Variants in SLC13A3 observed in about 807,000 individuals in gnomAD.
The protein encoded by SLC13A3 is Na(+)/dicarboxylate cotransporter 3.
A neutral mutation model predicts 59.0 loss-of-function variants in SLC13A3; 40 were observed. The observed-to-expected ratio is 0.68, with a 90% CI of 0.53 to 0.88. The LOEUF is 0.88. SLC13A3 is among the 40% of genes least tolerant of loss of function. The pLI is 0.00. For synonymous variants in SLC13A3, 317 were observed against 330.3 expected (o/e 0.96, Z 0.44); for missense variants, 699 against 783.2 (o/e 0.89, Z 1.28).
intron 1 of SLC13A3, among the ~76,000 whole-genome samples, chr20:46,642,338 T>C (rs142781718): frequency 2.4e-3 from 360 of 152,334 alleles, no homozygotes; most frequent in African/African-American, 6.0e-3. Flanking sequence ...ACTCACCAGC[T>C]GGGGACCTTG....
intron 8 of SLC13A3, chr20:46,584,071 T>A: frequency 1.0e-6 from 1 of 985,278 alleles, no homozygotes; most frequent in South Asian, 4.7e-5. Flanking sequence ...GATGGGCAGC[T>A]CACTGCATTG....
intron 8 of SLC13A3, among the ~76,000 whole-genome samples, chr20:46,586,807 C>T (rs1461875708): frequency 1.3e-5 from 2 of 152,132 alleles, no homozygotes; most frequent in African/African-American, 4.8e-5. Context: ...CAGGGGTCAG[C>T]AAATGTCTCC....
chr20:46,609,019 T>G (rs1057340165), intron 3 of SLC13A3: 8 of 1,550,686 alleles, frequency 5.2e-6, no homozygotes, highest in Non-Finnish European at 7.0e-6. Flanking sequence ...GCTTGAAGTT[T>G]CAGCCTTTCC....
At chr20:46,640,801 C>T (rs376649582) in intron 1 of SLC13A3, among the ~76,000 whole-genome samples, 21 of 152,250 alleles carry the variant, frequency 1.4e-4, no homozygotes, top group African/African-American at 4.6e-4. Flanking sequence ...GTGCTGACTT[C>T]GTGTCTTCAA....
intron 5 of SLC13A3, among the ~76,000 whole-genome samples, chr20:46,594,496 G>A (rs534592343): frequency 5.3e-5 from 8 of 152,054 alleles, no homozygotes; most frequent in African/African-American, 1.9e-4. Context: ...CTGGGGATGG[G>A]TCCTGGCAAA....
intron 8 of SLC13A3, 34 bp from the exon 9 acceptor site, chr20:46,583,703 G>T (rs201448417): frequency 4.5e-5 from 73 of 1,613,246 alleles, no homozygotes; most frequent in Non-Finnish European, 6.0e-5. Context: ...ACGTGACCAT[G>T]GGCATCTCAG....
At chr20:46,595,954 T>G (rs1361806715) in intron 5 of SLC13A3, among the ~76,000 whole-genome samples, 1 of 152,232 alleles carries the variant, frequency 6.6e-6, no homozygotes, top group Non-Finnish European at 1.5e-5. Context: ...TATATTCATT[T>G]GCTTTTTCAC....
chr20:46,578,552 T>TATA (rs950807037), intron 9 of SLC13A3, among the ~76,000 whole-genome samples: 10 of 151,978 alleles, frequency 6.6e-5, no homozygotes, highest in African/African-American at 2.4e-4. Flanking sequence ...GGTGGGTGCC[T>TATA]ATAATCCCAG....
At chr20:46,621,729 G>A (rs1016516732) in intron 1 of SLC13A3, among the ~76,000 whole-genome samples, 14 of 152,242 alleles carry the variant, frequency 9.2e-5, no homozygotes, top group East Asian at 7.7e-4. Flanking sequence ...GGAACTTCCC[G>A]GCACATCACA....
At chr20:46,618,709 G>A (rs2062586064) in intron 1 of SLC13A3, among the ~76,000 whole-genome samples, 1 of 152,214 alleles carries the variant, frequency 6.6e-6, no homozygotes, top group Admixed American at 6.5e-5. Flanking sequence ...CCCCAGAACT[G>A]TAAGCAATAT....
rs768327954 is a variant in SLC13A3, at chr20:46,610,542, C to T, written c.445G>A (p.Ala149Thr). The T allele has an allele frequency of 1.9e-6, 3 of 1,613,970 alleles. No homozygotes were observed. In the African/African-American group the frequency reaches 4.0e-5, roughly 22 times the overall value. Residue 149 changes from alanine (A) to threonine (T), a missense_variant, in exon 3 of 13, where the codon GCC (alanine) becomes ACC (threonine). Coordinates refer to ENST00000279027, the MANE Select transcript of SLC13A3 (RefSeq NM_022829.6). Reference protein sequence around the residue: ...SMWLSNTASTAMMLPIANAIL... With the variant: ...SMWLSNTASTTMMLPIANAIL... ...GCATTGGCAATGGGAAGCATCATGG[C>T]AGTGGAGGCGGTGTTGCTCAGCCAC...
rs145245246 is a variant in SLC13A3 at position 46,595,442 on chromosome 20, G to A, written c.794+715C>T. Among the ~76,000 whole-genome samples the A allele has an allele frequency of 5.9e-5, 9 of 152,208 alleles. 1 individual carries two copies. Among genetic ancestry groups the A allele is most frequent in the African/African-American group, 2.2e-4 (9 of 41,532 alleles). ...ACCCAGTCACTGCTGACCACTTCCAGGGGTGGGGAGACTTTAGCTCCCAGC... is the reference window on the plus strand; with the variant it reads ...ACCCAGTCACTGCTGACCACTTCCAAGGGTGGGGAGACTTTAGCTCCCAGC... On this transcript the variant is annotated intron_variant, in intron 5 of 12. Coordinates refer to ENST00000279027, the MANE Select transcript of SLC13A3 (RefSeq NM_022829.6).
intron 1 of SLC13A3, among the ~76,000 whole-genome samples, chr20:46,648,920 CACACACACACACACACACACAT>C (rs1435100837): frequency 1.5e-5 from 2 of 135,032 alleles, no homozygotes; most frequent in Admixed American, 7.2e-5. Flanking sequence ...CTCTCTCACA[CACACACACACACACACACACAT>C]ACACACACAC....
chr20:46,615,450 A>T (rs1237956989), intron 1 of SLC13A3, among the ~76,000 whole-genome samples: 1 of 152,122 alleles, frequency 6.6e-6, no homozygotes, highest in South Asian at 2.1e-4. Context: ...GACCACGGAG[A>T]CCCATCAGAC....
intron 1 of SLC13A3, among the ~76,000 whole-genome samples, chr20:46,657,015 G>A (rs781374329): frequency 5.3e-5 from 8 of 151,448 alleles, no homozygotes; most frequent in African/African-American, 1.7e-4. Flanking sequence ...TACTTTTTTC[G>A]TTTGTTTCCA....
chr20:46,659,718 C>T (rs1039703839), intron 1 of SLC13A3, among the ~76,000 whole-genome samples: 27 of 148,604 alleles, frequency 1.8e-4, no homozygotes, highest in African/African-American at 6.3e-4. Flanking sequence ...CCTATCCCCC[C>T]CCCCCAAAAA....
At chr20:46,599,049 C>A in intron 4 of SLC13A3, among the ~76,000 whole-genome samples, 1 of 152,226 alleles carries the variant, frequency 6.6e-6, no homozygotes, top group East Asian at 1.9e-4. Context: ...TTCCCAATTA[C>A]CAGCTCGCCT....
chr20:46,561,660 G>GT (rs11479853), intron 12 of SLC13A3, among the ~76,000 whole-genome samples: 4,856 of 140,222 alleles, frequency 0.035, 189 homozygotes, highest in East Asian at 0.13. Flanking sequence ...GTTTTTTTTT[G>GT]TTTTTTTTTT....
chr20:46,595,545 C>T (rs949909282), intron 5 of SLC13A3, among the ~76,000 whole-genome samples: 2 of 152,264 alleles, frequency 1.3e-5, no homozygotes, highest in East Asian at 3.9e-4. Flanking sequence ...ACCCATGCCT[C>T]CCGCTGGATC....
Sources: allele counts gnomAD v4.1 joint callset (sites outside exome capture counted in the v4.1 genomes callset), GRCh38; gene constraint gnomAD v4.1.1; transcripts MANE v1.5; gene names NCBI Gene and HGNC (gene_info 2026-07-23, HGNC 2026-07-21).